The following TRAPPC9 variants were observed in gnomAD, a reference collection of about 807,000 sequenced individuals.
TRAPPC9 encodes the protein IKK2 binding protein.
TRAPPC9 carries 83 observed loss-of-function variants against 124.0 expected under a neutral mutation model. The observed-to-expected ratio is 0.67, with a 90% CI of 0.56 to 0.80. TRAPPC9 has a LOEUF of 0.80. TRAPPC9 is among the 30% of genes least tolerant of loss of function. TRAPPC9 has a pLI of 0.00. For missense variants in TRAPPC9, 1,302 were observed against 1,508.3 expected (o/e 0.86, Z 2.27); for synonymous variants, 638 against 617.5 (o/e 1.03, Z -0.49).
intron 20 of TRAPPC9, among the ~76,000 whole-genome samples, chr8:139,902,980 C>T (rs1831114809): frequency 6.6e-6 from 1 of 152,188 alleles, no homozygotes; most frequent in African/African-American, 2.4e-5. Context: ...CTGACAAACA[C>T]CGCCGCCACT....
At chr8:140,230,150 A>T (rs1338502818) in intron 16 of TRAPPC9, among the ~76,000 whole-genome samples, 2 of 152,220 alleles carry the variant, frequency 1.3e-5, no homozygotes, top group Non-Finnish European at 2.9e-5. Flanking sequence ...GCCAACGTCC[A>T]ACCAAGACTG....
chr8:140,450,509 C>G (rs2071417623), intron 2 of TRAPPC9, among the ~76,000 whole-genome samples: 1 of 152,130 alleles, frequency 6.6e-6, no homozygotes, highest in Admixed American at 6.5e-5. Flanking sequence ...TGGGACAGAG[C>G]TCCAGGAGTC....
chr8:139,841,260 T>C (rs1315977534), intron 21 of TRAPPC9, among the ~76,000 whole-genome samples: 1 of 152,178 alleles, frequency 6.6e-6, no homozygotes, highest in Non-Finnish European at 1.5e-5. Flanking sequence ...ACCCTGGGCT[T>C]GAAGGTCAGC....
chr8:140,263,785 T>C (rs2064515412), intron 15 of TRAPPC9, among the ~76,000 whole-genome samples: 1 of 152,172 alleles, frequency 6.6e-6, no homozygotes, highest in South Asian at 2.1e-4. Flanking sequence ...ATTATAACGT[T>C]GACCATCATA....
At chr8:140,297,453 A>G (rs2065842099) in intron 11 of TRAPPC9, among the ~76,000 whole-genome samples, 1 of 152,200 alleles carries the variant, frequency 6.6e-6, no homozygotes, top group Non-Finnish European at 1.5e-5. Flanking sequence ...ATACAGATAC[A>G]CACAAATTCT....
At position 140,191,093 on chromosome 8, in the gene TRAPPC9, C is replaced by G. The variant is rs544942899; in HGVS notation, c.2556+30366G>C. 1.4e-4 allele frequency among the ~76,000 whole-genome samples: 22 copies of G among 152,272 alleles called. 1 individual carries two copies. In the South Asian group the frequency reaches 3.7e-3, roughly 26 times the overall value. On this transcript the variant is annotated intron_variant, in intron 17 of 22. Transcript: ENST00000438773. ...CCTCTACAATGCTCAGCATCTGCCC[C>G]CACCAAGGCACAAGTGCATTCGCTC... is the stretch of plus-strand genomic sequence containing the variant.
chr8:139,781,006 A>G (rs536002915), intron 21 of TRAPPC9, among the ~76,000 whole-genome samples: 1 of 152,354 alleles, frequency 6.6e-6, no homozygotes, highest in East Asian at 1.9e-4. Context: ...TAAAACACTG[A>G]CAATACCAAA....
intron 7 of TRAPPC9, among the ~76,000 whole-genome samples, chr8:140,376,374 G>C (rs976608428): frequency 6.6e-6 from 1 of 151,922 alleles, no homozygotes; most frequent in African/African-American, 2.4e-5. Context: ...GGCCAACACA[G>C]TGAAACCCCG....
At chr8:139,902,568 A>G (rs932270626) in intron 20 of TRAPPC9, among the ~76,000 whole-genome samples, 1 of 152,276 alleles carries the variant, frequency 6.6e-6, no homozygotes, top group Non-Finnish European at 1.5e-5. Flanking sequence ...TGATGGCAGG[A>G]GCCGTTTATA....
intron 18 of TRAPPC9, among the ~76,000 whole-genome samples, chr8:140,006,986 A>G (rs950543350): frequency 2.6e-5 from 4 of 152,238 alleles, no homozygotes; most frequent in African/African-American, 7.2e-5. Flanking sequence ...CATGTAAATT[A>G]TATTTCAATA....
At chr8:140,051,686 G>C (rs972509849) in intron 17 of TRAPPC9, among the ~76,000 whole-genome samples, 7 of 145,126 alleles carry the variant, frequency 4.8e-5, no homozygotes, top group Non-Finnish European at 7.4e-5. Context: ...TATAGTAAAT[G>C]GTCTATAAAG....
intron 21 of TRAPPC9, among the ~76,000 whole-genome samples, chr8:139,823,020 G>C (rs1018753046): frequency 2.6e-5 from 4 of 152,114 alleles, no homozygotes; most frequent in African/African-American, 9.7e-5. Context: ...CAGCTCTCTG[G>C]CGCCTCTTCC....
intron 17 of TRAPPC9, among the ~76,000 whole-genome samples, chr8:140,107,994 C>T (rs755551379): frequency 2.6e-4 from 39 of 151,844 alleles, no homozygotes; most frequent in Non-Finnish European, 5.3e-4. Flanking sequence ...CAGACAGACA[C>T]GCACACATAT....
rs142527462 is a variant in TRAPPC9, at chr8:140,066,888, G to A, written c.2557-42809C>T. On this transcript the variant is annotated intron_variant, in intron 17 of 22. Coordinates refer to ENST00000438773, the MANE Select transcript of TRAPPC9 (RefSeq NM_001160372.4). ...GTCTTTTCCCTGCAGCACTTGCAGGGGAGCTGTCAGAGGAAGAAAGGCTCC... is the reference window on the plus strand; with the variant it reads ...GTCTTTTCCCTGCAGCACTTGCAGGAGAGCTGTCAGAGGAAGAAAGGCTCC... Among the ~76,000 whole-genome samples, 902 of 152,322 alleles carry A rather than the reference G, an allele frequency of 5.9e-3. 5 individuals carry two copies. The highest frequency in any genetic ancestry group is 0.01 in the Middle Eastern group (3 of 294).
chr8:140,253,863 A>G (rs1474533983), intron 15 of TRAPPC9, among the ~76,000 whole-genome samples: 1 of 152,204 alleles, frequency 6.6e-6, no homozygotes, highest in East Asian at 1.9e-4. Flanking sequence ...AGTGCCATGG[A>G]GAATAATGAT....
chr8:139,768,802 GC>G (rs1456727940), intron 21 of TRAPPC9, among the ~76,000 whole-genome samples: 1 of 152,182 alleles, frequency 6.6e-6, no homozygotes, highest in Non-Finnish European at 1.5e-5. Flanking sequence ...CCATGTTGAA[GC>G]CCTAAAGCCC....
chr8:140,398,092 T>C (rs1464873573), intron 6 of TRAPPC9, among the ~76,000 whole-genome samples: 1 of 152,240 alleles, frequency 6.6e-6, no homozygotes, highest in Non-Finnish European at 1.5e-5. Context: ...TTGCCTGCTG[T>C]CATCCATGTA....
At chr8:140,090,239 G>T (rs1238105568) in intron 17 of TRAPPC9, among the ~76,000 whole-genome samples, 1 of 152,132 alleles carries the variant, frequency 6.6e-6, no homozygotes, top group Non-Finnish European at 1.5e-5. Context: ...TTCAGGTTCT[G>T]CCCATAATAT....
At chr8:139,792,391 C>G (rs1184019467) in intron 21 of TRAPPC9, among the ~76,000 whole-genome samples, 1 of 152,224 alleles carries the variant, frequency 6.6e-6, no homozygotes, top group African/African-American at 2.4e-5. Context: ...AAAGAGCAGT[C>G]TGTGTGTGCC....
Sources: allele counts gnomAD v4.1 joint callset (sites outside exome capture counted in the v4.1 genomes callset), GRCh38; gene constraint gnomAD v4.1.1; transcripts MANE v1.5; gene names NCBI Gene and HGNC (gene_info 2026-07-23, HGNC 2026-07-21).